The following FAM117B variants were observed in gnomAD, a reference collection of about 807,000 sequenced individuals.
FAM117B encodes the protein family with sequence similarity 117 member B.
Under a neutral mutation model 52.8 loss-of-function variants are expected in FAM117B, and 22 were observed. The ratio of observed to expected loss-of-function variants is 0.42; its 90% confidence interval spans 0.30 to 0.59. The LOEUF (loss-of-function observed/expected upper bound fraction) is 0.59. Among genes scored for constraint, FAM117B ranks in the 20% least tolerant of loss-of-function variants. FAM117B has a pLI of 0.22. For synonymous variants in FAM117B, 309 were observed against 324.1 expected, an observed-to-expected ratio of 0.95 and a Z score of 0.50; for missense variants, 678 against 802.6, an observed-to-expected ratio of 0.84 and a Z score of 1.88.
At chr2:202,659,866 G>A (rs953734538) in intron 1 of FAM117B, among the ~76,000 whole-genome samples, 3 of 151,464 alleles carry the variant, frequency 2.0e-5, no homozygotes, top group Non-Finnish European at 2.9e-5. Context: ...TGATCCACCC[G>A]CATCGGCCTC....
chr2:202,726,958 T>A (rs1385576617), intron 4 of FAM117B, among the ~76,000 whole-genome samples: 2 of 151,652 alleles, frequency 1.3e-5, no homozygotes, highest in African/African-American at 4.8e-5. Context: ...AAAAAAAAAA[T>A]AGCTGTCTCA....
At chr2:202,680,880 C>T (rs1256746063) in intron 1 of FAM117B, among the ~76,000 whole-genome samples, 1 of 152,010 alleles carries the variant, frequency 6.6e-6, no homozygotes, top group East Asian at 1.9e-4. Flanking sequence ...ACTTGGTATA[C>T]AAAAGAATAA....
intron 1 of FAM117B, among the ~76,000 whole-genome samples, chr2:202,677,162 G>T (rs371673980): frequency 6.6e-6 from 1 of 151,884 alleles, no homozygotes; most frequent in African/African-American, 2.4e-5. Flanking sequence ...CCGCCTCCGG[G>T]GTTTAAGTGA....
At chr2:202,642,681 A>G (rs1285048512) in intron 1 of FAM117B, among the ~76,000 whole-genome samples, 3 of 152,178 alleles carry the variant, frequency 2.0e-5, no homozygotes, top group South Asian at 4.1e-4. Context: ...TCAGGGATAC[A>G]CTTTGAACTT....
chr2:202,704,856 C>T (rs1437997881), intron 2 of FAM117B, among the ~76,000 whole-genome samples: 1 of 152,012 alleles, frequency 6.6e-6, no homozygotes, highest in Non-Finnish European at 1.5e-5. Flanking sequence ...CTGCCTCAGC[C>T]TCCCAAAGTG....
At chr2:202,731,409 A>C (rs1339755483) in intron 4 of FAM117B, among the ~76,000 whole-genome samples, 1 of 135,836 alleles carries the variant, frequency 7.4e-6, no homozygotes, top group Non-Finnish European at 1.6e-5. Context: ...AAAATATATA[A>C]ACTTTTATTT....
intron 1 of FAM117B, among the ~76,000 whole-genome samples, chr2:202,660,411 T>G (rs1347852256): frequency 6.6e-6 from 1 of 152,138 alleles, no homozygotes; most frequent in Non-Finnish European, 1.5e-5. Context: ...TCACAGTCTT[T>G]GCAGTACTAT....
Position 202,757,448 on chromosome 2 carries a change from T to G in FAM117B, c.1330+10T>G, listed in dbSNP as rs1691820256. The G allele has an allele frequency of 6.2e-7, 1 of 1,611,762 alleles. No individual in the cohort carries two copies. The highest frequency in any genetic ancestry group is 1.7e-5 in the Admixed American group (1 of 59,974). On this transcript the variant is annotated intron_variant, in intron 6 of 7. Coordinates refer to ENST00000392238, the MANE Select transcript of FAM117B (RefSeq NM_173511.4). ...GATCCCAGAGATAAAGGTACAGTGCTGGAGGAATGTGCTACTAGATGATAA... is the reference window on the plus strand; with the variant it reads ...GATCCCAGAGATAAAGGTACAGTGCGGGAGGAATGTGCTACTAGATGATAA...
At chr2:202,755,413 C>T (rs1691786221) in intron 4 of FAM117B, 125 bp from the exon 5 acceptor site, 1 of 1,188,256 alleles carries the variant, frequency 8.4e-7, no homozygotes, top group South Asian at 1.7e-5. Flanking sequence ...TGGTCACTCA[C>T]ACTTTTTGTG....
intron 4 of FAM117B, among the ~76,000 whole-genome samples, chr2:202,727,096 C>T (rs895052905): frequency 2.0e-5 from 3 of 151,954 alleles, no homozygotes; most frequent in Non-Finnish European, 4.4e-5. Context: ...GATGAGATCT[C>T]TTGGCAAGGA....
intron 4 of FAM117B, among the ~76,000 whole-genome samples, chr2:202,736,400 G>A (rs559448698): frequency 6.6e-6 from 1 of 152,178 alleles, no homozygotes; most frequent in African/African-American, 2.4e-5. Context: ...GTGGTCTGGA[G>A]TCAAAGGCCC....
intron 1 of FAM117B, among the ~76,000 whole-genome samples, chr2:202,683,278 G>A (rs80085353): frequency 0.082 from 12,380 of 151,658 alleles, 1,680 homozygotes; most frequent in African/African-American, 0.28. Flanking sequence ...ACAGTCAGCC[G>A]AGATCACACC....
chr2:202,758,788 AAT>A (rs1406887487), intron 6 of FAM117B, among the ~76,000 whole-genome samples: 1 of 152,206 alleles, frequency 6.6e-6, no homozygotes, highest in Non-Finnish European at 1.5e-5. Context: ...AGGCAAAAAA[AAT>A]GTTTGGCATC....
intron 4 of FAM117B, among the ~76,000 whole-genome samples, chr2:202,747,120 C>T (rs1373190073): frequency 6.6e-6 from 1 of 151,934 alleles, no homozygotes; most frequent in African/African-American, 2.4e-5. Flanking sequence ...AAAGATGGTT[C>T]AACATAGACA....
chr2:202,647,123 T>C (rs1440278502), intron 1 of FAM117B, among the ~76,000 whole-genome samples: 1 of 152,154 alleles, frequency 6.6e-6, no homozygotes, highest in Non-Finnish European at 1.5e-5. Flanking sequence ...GGATTTATTT[T>C]TTCTAAAGGT....
intron 2 of FAM117B, among the ~76,000 whole-genome samples, chr2:202,714,586 T>G (rs1348095435): frequency 2.8e-5 from 4 of 144,840 alleles, no homozygotes; most frequent in African/African-American, 1.0e-4. Context: ...CAGAGGGGGA[T>G]TTGGCAGGGT....
chr2:202,655,945 G>T (rs529241705), intron 1 of FAM117B, among the ~76,000 whole-genome samples: 1 of 152,112 alleles, frequency 6.6e-6, no homozygotes, highest in Non-Finnish European at 1.5e-5. Flanking sequence ...ATAGATACAG[G>T]ACTATTAGGT....
chr2:202,721,482 C>A (rs924010257), intron 2 of FAM117B, among the ~76,000 whole-genome samples: 7 of 151,942 alleles, frequency 4.6e-5, no homozygotes, highest in Admixed American at 1.3e-4. Flanking sequence ...ATAGAGATAA[C>A]AAAATAAGTT....
At chr2:202,731,362 T>TATATATATATAC (rs1185524899) in intron 4 of FAM117B, among the ~76,000 whole-genome samples, 2 of 131,358 alleles carry the variant, frequency 1.5e-5, no homozygotes, top group East Asian at 4.6e-4. Context: ...TATATATATA[T>TATATATATATAC]ATATATGGAG....
Sources: gnomAD v4.1 joint callset for allele counts (sites outside exome capture counted in the v4.1 genomes callset) on GRCh38, gnomAD v4.1.1 for gene constraint, MANE v1.5 for transcripts, NCBI Gene and HGNC (gene_info 2026-07-23, HGNC 2026-07-21) for gene names.